The following PCCA variants were observed in gnomAD, a reference collection of about 807,000 sequenced individuals.
PCCA encodes the protein propionyl-CoA carboxylase alpha chain, mitochondrial.
Under a neutral mutation model 101.3 loss-of-function variants are expected in PCCA, and 74 were observed. The ratio of observed to expected loss-of-function variants is 0.73; its 90% CI spans 0.61 to 0.89. The LOEUF (loss-of-function observed/expected upper bound fraction) is 0.89, where lower values mean the gene tolerates loss of function less well. Ranked by LOEUF, PCCA falls within the 40% of genes least tolerant of loss-of-function variation. The pLI, the probability that PCCA is intolerant of heterozygous loss-of-function variation, is 0.00. For synonymous variants in PCCA, 294 were observed against 313.6 expected, an observed-to-expected ratio of 0.94 and a Z score of 0.66; for missense variants, 891 against 907.0, an observed-to-expected ratio of 0.98 and a Z score of 0.23.
chr13:100,530,277 A>T lies in PCCA; in HGVS notation c.*111A>T. The T allele has an allele frequency of 1.1e-6, 1 of 877,466 alleles. No homozygotes were observed. Among genetic ancestry groups the T allele is most frequent in the South Asian group, 1.4e-5 (1 of 71,380 alleles). 54.4% of individuals were successfully genotyped at this position (877,466 alleles called of 1,614,324 possible). A position where few individuals can be genotyped will look rare whatever the true frequency, so the allele number is the denominator to read the frequency against. ...GGAACACCCCTGTGCAGCTACGTTT[A>T]CGTCGTCATTTATTCCACAGAGTCA... On this transcript the variant is annotated 3_prime_UTR_variant, in exon 24 of 24. Transcript: ENST00000376285.
chr13:100,313,650 G>C (rs1244287774), intron 16 of PCCA, among the ~76,000 whole-genome samples: 1 of 152,126 alleles, frequency 6.6e-6, no homozygotes, highest in Non-Finnish European at 1.5e-5. Flanking sequence ...ACAAGGAGGG[G>C]GTTTGTTTTG....
chr13:100,429,401 A>G (rs933650917), intron 20 of PCCA, among the ~76,000 whole-genome samples: 7 of 152,194 alleles, frequency 4.6e-5, no homozygotes, highest in Non-Finnish European at 8.8e-5. Flanking sequence ...AAGTGATTTT[A>G]CAGTAATCAC....
intron 6 of PCCA, among the ~76,000 whole-genome samples, chr13:100,187,900 C>A (rs1265380947): frequency 6.6e-6 from 1 of 152,068 alleles, no homozygotes; most frequent in Middle Eastern, 3.2e-3. Flanking sequence ...TCCCCCGCCC[C>A]CTTCCCACCC....
Position 100,369,466 on chromosome 13 carries a change from AAG to A in PCCA, c.1746+894_1746+895del, listed in dbSNP as rs923202608. On this transcript the variant is annotated intron_variant, in intron 19 of 23. Coordinates refer to ENST00000376285, the MANE Select transcript of PCCA (RefSeq NM_000282.4). ...CTCAGTGAGAAAATATCACAAGTTGAAGATTCATGAGAATTCATTCATTCCAC... is the reference window on the plus strand; with the variant it reads ...CTCAGTGAGAAAATATCACAAGTTGAATTCATGAGAATTCATTCATTCCAC... Among the ~76,000 whole-genome samples, 3 of 152,306 alleles carry A rather than the reference AAG, an allele frequency of 2.0e-5. No individual in the cohort carries two copies. The East Asian group carries it at 5.8e-4, about 29-fold the overall frequency.
chr13:100,227,246 G>A (rs1423968444), intron 7 of PCCA, among the ~76,000 whole-genome samples: 1 of 152,126 alleles, frequency 6.6e-6, no homozygotes, highest in Non-Finnish European at 1.5e-5. Context: ...CAAAGTGCTG[G>A]GATTACAGGC....
chr13:100,416,969 G>A (rs1047729578), intron 19 of PCCA, among the ~76,000 whole-genome samples: 9 of 151,810 alleles, frequency 5.9e-5, no homozygotes, highest in Admixed American at 1.3e-4. Context: ...TCAGCCTCCC[G>A]AGTAGCTGGG....
chr13:100,229,215 A>G (rs1255746923), intron 7 of PCCA, among the ~76,000 whole-genome samples: 2 of 152,176 alleles, frequency 1.3e-5, no homozygotes, highest in Non-Finnish European at 2.9e-5. Context: ...CTGGACTGAG[A>G]ATCCCAAAAA....
chr13:100,190,851 A>G (rs1263709081), intron 6 of PCCA, among the ~76,000 whole-genome samples: 2 of 152,104 alleles, frequency 1.3e-5, no homozygotes, highest in Non-Finnish European at 2.9e-5. Flanking sequence ...TAATCCCAGC[A>G]CTTTGGGAAG....
chr13:100,175,254 T>C (rs1336180392), intron 6 of PCCA, among the ~76,000 whole-genome samples: 1 of 152,202 alleles, frequency 6.6e-6, no homozygotes, highest in Non-Finnish European at 1.5e-5. Context: ...ACCAATAGAT[T>C]AGTACATTGT....
chr13:100,347,575 A>G (rs1448374960), intron 18 of PCCA, among the ~76,000 whole-genome samples: 1 of 152,226 alleles, frequency 6.6e-6, no homozygotes, highest in Non-Finnish European at 1.5e-5. Flanking sequence ...GATTGTTGAA[A>G]TATTTAGGGC....
rs547636226 is a variant in PCCA, at chr13:100,262,219, C to G, written c.717-510C>G. On this transcript the variant is annotated intron_variant, in intron 9 of 23. Coordinates refer to ENST00000376285, the MANE Select transcript of PCCA (RefSeq NM_000282.4). ...ACCATCCTGGCCAACGTGTTGAAAC[C>G]CTGTCTCTACCAAAAATATAAAAAT... Among the ~76,000 whole-genome samples, 15 of 151,972 alleles carry G rather than the reference C, an allele frequency of 9.9e-5. No individual in the cohort carries two copies. The South Asian group carries it at 1.9e-3, about 19-fold the overall frequency.
intron 4 of PCCA, among the ~76,000 whole-genome samples, chr13:100,114,893 A>G (rs984037037): frequency 6.6e-6 from 1 of 152,182 alleles, no homozygotes; most frequent in Non-Finnish European, 1.5e-5. Context: ...AAACTATCAT[A>G]TGATCCGGCT....
At chr13:100,347,088 G>C (rs758529377) in intron 18 of PCCA, among the ~76,000 whole-genome samples, 2 of 152,122 alleles carry the variant, frequency 1.3e-5, no homozygotes, top group Non-Finnish European at 2.9e-5. Context: ...TGTTAGCCAG[G>C]ATGGTCACGA....
chr13:100,169,428 G>A (rs1467171720), intron 6 of PCCA, among the ~76,000 whole-genome samples: 17 of 113,622 alleles, frequency 1.5e-4, no homozygotes, highest in Admixed American at 5.8e-4. Flanking sequence ...GCGACAGAGC[G>A]AGACTGTCTC....
At chr13:100,090,663 CG>C (rs2046197354) in intron 1 of PCCA, among the ~76,000 whole-genome samples, 1 of 152,144 alleles carries the variant, frequency 6.6e-6, no homozygotes, top group African/African-American at 2.4e-5. Flanking sequence ...GGGAGATGCC[CG>C]GGTGCTATAA....
chr13:100,502,378 C>A (rs1169653359), intron 21 of PCCA, among the ~76,000 whole-genome samples: 3 of 152,136 alleles, frequency 2.0e-5, no homozygotes, highest in Admixed American at 1.3e-4. Context: ...GCTGTGTGTA[C>A]TGTATATTTT....
intron 7 of PCCA, among the ~76,000 whole-genome samples, chr13:100,219,726 G>A (rs986099628): frequency 3.3e-5 from 5 of 152,102 alleles, no homozygotes; most frequent in African/African-American, 1.2e-4. Flanking sequence ...AAGGAGAAAT[G>A]GGTACTTGAT....
At chr13:100,189,591 G>A (rs1172072140) in intron 6 of PCCA, among the ~76,000 whole-genome samples, 2 of 152,124 alleles carry the variant, frequency 1.3e-5, no homozygotes. Flanking sequence ...AAGCTTTTTA[G>A]TTTAATTAAG....
At chr13:100,259,006 T>C (rs562519532) in intron 9 of PCCA, among the ~76,000 whole-genome samples, 1 of 152,246 alleles carries the variant, frequency 6.6e-6, no homozygotes, top group East Asian at 1.9e-4. Context: ...AAGTCAAAAC[T>C]ACCTAAAAAG....
Sources: allele counts gnomAD v4.1 joint callset (sites outside exome capture counted in the v4.1 genomes callset), GRCh38; gene constraint gnomAD v4.1.1; transcripts MANE v1.5; gene names NCBI Gene and HGNC (gene_info 2026-07-23, HGNC 2026-07-21).